The following PLCE1 variants were observed in gnomAD, a reference collection of about 807,000 sequenced individuals.
The protein encoded by PLCE1 is phospholipase C epsilon 1, also known as 1-phosphatidylinositol 4,5-bisphosphate phosphodiesterase epsilon-1.
PLCE1 carries 119 observed loss-of-function variants against 242.8 expected under a neutral mutation model. That is an observed-to-expected ratio of 0.49 (90% CI 0.42 to 0.57). PLCE1 has a LOEUF of 0.57. Among genes scored for constraint, PLCE1 ranks in the 20% least tolerant of loss-of-function variants. The pLI, the probability that PLCE1 is intolerant of heterozygous loss-of-function variation, is 0.00. For synonymous variants in PLCE1, 945 were observed against 1,017.4 expected (o/e 0.93, Z 1.35); for missense variants, 2,441 against 2,788.8 (o/e 0.88, Z 2.81).
chr10:94,215,512 G>C (rs1454372926), intron 4 of PLCE1, among the ~76,000 whole-genome samples: 2 of 152,146 alleles, frequency 1.3e-5, no homozygotes, highest in African/African-American at 4.8e-5. Context: ...AGGGCTCAGG[G>C]ACGGCCTCCT....
At chr10:94,239,485 C>T (rs1385975814) in intron 7 of PLCE1, among the ~76,000 whole-genome samples, 1 of 152,208 alleles carries the variant, frequency 6.6e-6, no homozygotes, top group African/African-American at 2.4e-5. Context: ...CCTCCCCAGC[C>T]ATGCTGAACT....
At position 94,316,826 on chromosome 10, in the gene PLCE1, C is replaced by T. The variant is rs545601198; in HGVS notation, c.6342+70C>T. The T allele has an allele frequency of 1.1e-4, 124 of 1,140,852 alleles. No individual in the cohort carries two copies. The South Asian group carries it at 1.5e-3, about 14-fold the overall frequency. The allele number at this position is 1,140,852 out of a possible 1,614,324, so 70.7% of individuals were successfully genotyped here. A position where few individuals can be genotyped will look rare whatever the true frequency, so the allele number is the denominator to read the frequency against. ...TGATTAGCCATTTACCACTCACAAC[C>T]TCCCTGAAATTCAGAATTTCTTGTA... On this transcript the variant is annotated intron_variant, in intron 29 of 32. Coordinates refer to ENST00000371380, the MANE Select transcript of PLCE1 (RefSeq NM_016341.4).
At chr10:94,295,073 G>A (rs1240349464) in intron 23 of PLCE1, among the ~76,000 whole-genome samples, 1 of 151,396 alleles carries the variant, frequency 6.6e-6, no homozygotes, top group African/African-American at 2.4e-5. Flanking sequence ...CCACCACCAC[G>A]CCCGGCTACT....
intron 7 of PLCE1, among the ~76,000 whole-genome samples, 156 bp downstream of exon 7, chr10:94,236,276 T>C (rs1423126762): frequency 6.6e-6 from 1 of 152,188 alleles, no homozygotes; most frequent in African/African-American, 2.4e-5. Flanking sequence ...ACCTTACCAA[T>C]TCCAAATTCA....
At chr10:94,077,466 G>A (rs934668371) in intron 2 of PLCE1, among the ~76,000 whole-genome samples, 3 of 152,088 alleles carry the variant, frequency 2.0e-5, no homozygotes, top group African/African-American at 7.2e-5. Context: ...TTTCCTACTG[G>A]CAGTCACTTA....
In PLCE1 at chr10:94,031,276, G is replaced by A. The variant is rs368296510; in HGVS notation, c.230G>A (p.Arg77Lys). Residue 77 changes from arginine (R) to lysine (K), a missense_variant, in exon 2 of 33, where the codon AGG (arginine) becomes AAG (lysine). Coordinates refer to ENST00000371380, the MANE Select transcript of PLCE1 (RefSeq NM_016341.4). ...TTGCCAAAGATTCTCTCAATAGCGAGGGAGAAAATAGTGAGTGATGAGAAC... is the reference window on the plus strand; with the variant it reads ...TTGCCAAAGATTCTCTCAATAGCGAAGGAGAAAATAGTGAGTGATGAGAAC... Reference protein sequence around the residue: ...SNLPKILSIAREKIVSDENSN... With the variant: ...SNLPKILSIAKEKIVSDENSN... 2.0e-5 allele frequency: 32 copies of A among 1,613,740 alleles called. No individual in the cohort carries two copies. The African/African-American group carries it at 3.5e-4, about 18-fold the overall frequency.
intron 2 of PLCE1, among the ~76,000 whole-genome samples, chr10:94,062,066 A>G (rs2044068881): frequency 6.6e-6 from 1 of 152,258 alleles, no homozygotes; most frequent in African/African-American, 2.4e-5. Flanking sequence ...AAGAATTAAT[A>G]AATGTATAAT....
intron 4 of PLCE1, among the ~76,000 whole-genome samples, chr10:94,209,726 C>G (rs1260909395): frequency 6.6e-6 from 1 of 152,148 alleles, no homozygotes; most frequent in Non-Finnish European, 1.5e-5. Flanking sequence ...ATTGTAATTT[C>G]CAAATTCAAA....
At chr10:94,053,821 A>G (rs2043830818) in intron 2 of PLCE1, among the ~76,000 whole-genome samples, 1 of 152,268 alleles carries the variant, frequency 6.6e-6, no homozygotes, top group African/African-American at 2.4e-5. Flanking sequence ...AATGAAGTTG[A>G]AAAGTAGAAC....
At chr10:94,320,365 C>CA (rs935826051) in intron 29 of PLCE1, among the ~76,000 whole-genome samples, 21 of 151,706 alleles carry the variant, frequency 1.4e-4, no homozygotes, top group African/African-American at 4.9e-4. Flanking sequence ...ATTTATTTAA[C>CA]AAAAAATCAT....
chr10:94,297,855 G>GTTTGA (rs2052896348), intron 23 of PLCE1, among the ~76,000 whole-genome samples: 1 of 151,994 alleles, frequency 6.6e-6, no homozygotes, highest in Non-Finnish European at 1.5e-5. Flanking sequence ...TCTTGGTTTG[G>GTTTGA]TTTGATTTTG....
At chr10:94,275,950 A>G (rs2051938311) in intron 19 of PLCE1, among the ~76,000 whole-genome samples, 1 of 152,196 alleles carries the variant, frequency 6.6e-6, no homozygotes, top group Non-Finnish European at 1.5e-5. Flanking sequence ...CCATTTTTCC[A>G]GATTAACAAT....
chr10:94,196,369 C>T (rs2048821459), intron 4 of PLCE1, among the ~76,000 whole-genome samples: 1 of 152,178 alleles, frequency 6.6e-6, no homozygotes, highest in African/African-American at 2.4e-5. Context: ...CACCCTCAGC[C>T]TGGTTGTCAC....
At chr10:94,286,553 AATGAT>A in intron 22 of PLCE1, among the ~76,000 whole-genome samples, 1 of 152,380 alleles carries the variant, frequency 6.6e-6, no homozygotes, top group East Asian at 1.9e-4. Context: ...CATATTATTT[AATGAT>A]ATGATAAAAA....
chr10:94,220,901 C>A (rs1056357585), intron 4 of PLCE1, among the ~76,000 whole-genome samples: 2 of 152,184 alleles, frequency 1.3e-5, no homozygotes, highest in African/African-American at 4.8e-5. Flanking sequence ...GTCTACCTAC[C>A]TCCAGCGCCG....
chr10:94,095,796 A>T (rs2045286947), intron 2 of PLCE1, among the ~76,000 whole-genome samples: 1 of 152,186 alleles, frequency 6.6e-6, no homozygotes, highest in Non-Finnish European at 1.5e-5. Context: ...GCCTGATTTT[A>T]TACAGCTATT....
chr10:94,126,486 C>T (rs1432445199), intron 2 of PLCE1, among the ~76,000 whole-genome samples: 3 of 152,204 alleles, frequency 2.0e-5, no homozygotes, highest in Non-Finnish European at 2.9e-5. Flanking sequence ...TGAAGCTCGT[C>T]TTGCTCACTG....
chr10:94,307,729 G>A (rs1229144251), intron 26 of PLCE1, among the ~76,000 whole-genome samples: 1 of 152,084 alleles, frequency 6.6e-6, no homozygotes, highest in African/African-American at 2.4e-5. Context: ...ACTGGATTAA[G>A]GCCCACCCTA....
intron 14 of PLCE1, among the ~76,000 whole-genome samples, chr10:94,263,022 C>T (rs553773423): frequency 3.3e-5 from 5 of 151,926 alleles, no homozygotes; most frequent in African/African-American, 9.6e-5. Context: ...CAGGTGTGCG[C>T]CACCACGCCC....
Sources: gnomAD v4.1 joint callset for allele counts (sites outside exome capture counted in the v4.1 genomes callset) on GRCh38, gnomAD v4.1.1 for gene constraint, MANE v1.5 for transcripts, NCBI Gene and HGNC (gene_info 2026-07-23, HGNC 2026-07-21) for gene names.